Variants in PDIA5 observed in about 807,000 individuals in gnomAD.
PDIA5 encodes protein disulfide-isomerase A5.
A neutral mutation model predicts 77.6 loss-of-function variants in PDIA5; 58 were observed. The ratio of observed to expected loss-of-function variants is 0.75; its 90% CI spans 0.61 to 0.93. PDIA5 has a LOEUF of 0.93. PDIA5 is among the 40% of genes least tolerant of loss of function. The pLI is 0.00. For missense variants in PDIA5, 630 were observed against 647.7 expected, an observed-to-expected ratio of 0.97 and a Z score of 0.30; for synonymous variants, 250 against 252.1, an observed-to-expected ratio of 0.99 and a Z score of 0.08.
chr3:123,097,342 G>A (rs1354742319), intron 3 of PDIA5, among the ~76,000 whole-genome samples: 1 of 152,076 alleles, frequency 6.6e-6, no homozygotes, highest in Non-Finnish European at 1.5e-5. Context: ...GGGCTGGGAG[G>A]GCAGCGGAGG....
chr3:123,108,228 G>A (rs1195648220), intron 6 of PDIA5, among the ~76,000 whole-genome samples: 1 of 151,822 alleles, frequency 6.6e-6, no homozygotes, highest in Non-Finnish European at 1.5e-5. Context: ...ATTAAGGACT[G>A]GGCACAACAT....
chr3:123,078,245 C>T (rs539844597), intron 1 of PDIA5, among the ~76,000 whole-genome samples: 2 of 152,230 alleles, frequency 1.3e-5, no homozygotes, highest in East Asian at 1.9e-4. Flanking sequence ...GTCACATGAA[C>T]GGAGGCGAGA....
At chr3:123,078,969 C>T (rs1349905291) in intron 1 of PDIA5, among the ~76,000 whole-genome samples, 1 of 152,110 alleles carries the variant, frequency 6.6e-6, no homozygotes, top group Non-Finnish European at 1.5e-5. Flanking sequence ...TGGGGAGATA[C>T]TTTGAGGCAG....
intron 8 of PDIA5, among the ~76,000 whole-genome samples, chr3:123,120,656 G>A (rs747473287): frequency 2.0e-5 from 3 of 152,228 alleles, no homozygotes; most frequent in Non-Finnish European, 2.9e-5. Context: ...CCAGTGCCAC[G>A]TGTCAGATGG....
chr3:123,136,893 C>A (rs771584340), intron 11 of PDIA5, among the ~76,000 whole-genome samples: 3 of 152,080 alleles, frequency 2.0e-5, no homozygotes, highest in Non-Finnish European at 2.9e-5. Context: ...AAATCTACCT[C>A]AATCTTTTTA....
chr3:123,159,916 C>G (rs369984431), intron 15 of PDIA5, among the ~76,000 whole-genome samples: 11 of 152,212 alleles, frequency 7.2e-5, no homozygotes, highest in African/African-American at 2.4e-4. Flanking sequence ...ATTCTCCTAC[C>G]TGGAAAGGGG....
intron 14 of PDIA5, among the ~76,000 whole-genome samples, chr3:123,150,632 C>A (rs1576465264): frequency 6.6e-6 from 1 of 152,094 alleles, no homozygotes; most frequent in Non-Finnish European, 1.5e-5. Flanking sequence ...CTGTGCTCGT[C>A]CCCTCTTGTC....
At chr3:123,106,580 G>A (rs528982721) in intron 5 of PDIA5, among the ~76,000 whole-genome samples, 169 bp from the exon 6 acceptor site, 14 of 152,302 alleles carry the variant, frequency 9.2e-5, no homozygotes, top group Middle Eastern at 3.4e-3. Context: ...CATGATGTCA[G>A]TGGACAGCGG....
intron 14 of PDIA5, among the ~76,000 whole-genome samples, chr3:123,152,859 T>G (rs1303825887): frequency 6.6e-6 from 1 of 152,226 alleles, no homozygotes; most frequent in Non-Finnish European, 1.5e-5. Flanking sequence ...TCAGGCCAGC[T>G]TGGCGGAGTC....
Position 123,124,065 on chromosome 3 carries a change from G to C in PDIA5, c.610-1G>C, listed in dbSNP as rs1185546555. 2 of 1,611,816 alleles carry C rather than the reference G, an allele frequency of 1.2e-6. No individual in the cohort carries two copies. The highest frequency in any genetic ancestry group is 8.5e-7 in the Non-Finnish European group (1 of 1,177,864). On this transcript the variant is annotated splice_acceptor_variant, in intron 8 of 16. Coordinates refer to ENST00000316218, the MANE Select transcript of PDIA5 (RefSeq NM_006810.4). LOFTEE classifies it high-confidence loss of function. ...CACGGCTCTTCTCCGCTTCCTCCCA[G>C]GTGCTGGCCGGGATGAATGTCTACT...
chr3:123,070,518 C>T (rs891455798), intron 1 of PDIA5, among the ~76,000 whole-genome samples: 6 of 152,230 alleles, frequency 3.9e-5, no homozygotes, highest in Non-Finnish European at 8.8e-5. Context: ...GAAGGTGTCA[C>T]TGTCAAACAC....
At chr3:123,084,714 T>G (rs1041368810) in intron 1 of PDIA5, among the ~76,000 whole-genome samples, 7 of 152,242 alleles carry the variant, frequency 4.6e-5, no homozygotes, top group African/African-American at 1.7e-4. Flanking sequence ...AGCCCGGAAT[T>G]CTAAGAGTCA....
Position 123,092,345 on chromosome 3 carries a change from T to C in PDIA5, c.170-10T>C. 6.2e-7 allele frequency: 1 copy of C among 1,612,572 alleles called. No individual in the cohort carries two copies. Among genetic ancestry groups the C allele is most frequent in the Non-Finnish European group, 8.5e-7 (1 of 1,178,874 alleles). ...TCACAGATGTTTAATTTTTTGTTTT[T>C]TTTTTACAGAGGTGGCAGCTGAAAA... On this transcript the variant is annotated splice_polypyrimidine_tract_variant and intron_variant, in intron 2 of 16. Coordinates refer to ENST00000316218, the MANE Select transcript of PDIA5 (RefSeq NM_006810.4).
In PDIA5 at chr3:123,161,861, CT is replaced by C; in HGVS notation, c.1480-18del. On this transcript the variant is annotated intron_variant, in intron 16 of 16. Transcript: ENST00000316218. Reference sequence around the variant, plus strand: ...GGATTAAAGCTCTTTCTCTCTCTCTCTCTCCCACTTCCCTGCAGGAATTGGG... The same window carrying C: ...GGATTAAAGCTCTTTCTCTCTCTCTCCTCCCACTTCCCTGCAGGAATTGGG... 6.7e-7 allele frequency: 1 copy of C among 1,497,582 alleles called. No homozygotes were observed. Among genetic ancestry groups the C allele is most frequent in the Non-Finnish European group, 9.3e-7 (1 of 1,074,142 alleles). The allele number at this position is 1,497,582 out of a possible 1,614,324, so 92.8% of individuals were successfully genotyped here.
rs66567660 is a variant in PDIA5, at chr3:123,072,912, C to CTGTGTGTGTGTGTGTGTGTGTGTGTGTG, written c.42+5710_42+5737dup. On this transcript the variant is annotated intron_variant, in intron 1 of 16. Transcript: ENST00000316218. ...GTTTATTTGCCCCCTACCTCTCCTT[C>CTGTGTGTGTGTGTGTGTGTGTGTGTGTG]TGTGTGTGTGTGTGTGTGTGTGTGT... Among the ~76,000 whole-genome samples the CTGTGTGTGTGTGTGTGTGTGTGTGTGTG allele has an allele frequency of 9.9e-3, 1,457 of 146,884 alleles. 20 individuals carry two copies. Among genetic ancestry groups the CTGTGTGTGTGTGTGTGTGTGTGTGTGTG allele is most frequent in the African/African-American group, 0.015 (570 of 39,038 alleles).
intron 15 of PDIA5, among the ~76,000 whole-genome samples, chr3:123,160,282 C>T (rs1000070658): frequency 5.3e-5 from 8 of 152,176 alleles, no homozygotes; most frequent in African/African-American, 1.2e-4. Context: ...GACCCTCAAC[C>T]GGAAACAAGT....
intron 11 of PDIA5, among the ~76,000 whole-genome samples, chr3:123,133,741 C>T (rs1194040029): frequency 6.6e-6 from 1 of 152,180 alleles, no homozygotes; most frequent in Non-Finnish European, 1.5e-5. Context: ...GGCTGACCAG[C>T]TGAAATGTCA....
intron 8 of PDIA5, among the ~76,000 whole-genome samples, chr3:123,120,938 C>T (rs73856832): frequency 0.017 from 2,544 of 152,286 alleles, 66 homozygotes; most frequent in African/African-American, 0.056. Flanking sequence ...CTCCTGACCA[C>T]AGCATTCCCT....
At chr3:123,158,967 C>A (rs185691865) in intron 15 of PDIA5, among the ~76,000 whole-genome samples, 1 of 152,200 alleles carries the variant, frequency 6.6e-6, no homozygotes, top group African/African-American at 2.4e-5. Flanking sequence ...GGAAAACGCG[C>A]GTGGATTCAC....
Sources: gnomAD v4.1 joint callset for allele counts (sites outside exome capture counted in the v4.1 genomes callset) on GRCh38, gnomAD v4.1.1 for gene constraint, MANE v1.5 for transcripts, NCBI Gene and HGNC (gene_info 2026-07-23, HGNC 2026-07-21) for gene names.